Variants in ATP13A1 observed in about 807,000 individuals in gnomAD.
ATP13A1 encodes endoplasmic reticulum transmembrane helix translocase.
In ATP13A1, 55 loss-of-function variants were observed where a neutral mutation model predicts 134.8. The observed-to-expected ratio is 0.41, with a 90% CI of 0.33 to 0.51. The LOEUF (loss-of-function observed/expected upper bound fraction) is 0.51, where lower values mean the gene tolerates loss of function less well. Ranked by LOEUF, ATP13A1 falls within the 20% of genes least tolerant of loss-of-function variation. The pLI, the probability that ATP13A1 is intolerant of heterozygous loss-of-function variation, is 0.29. For synonymous variants in ATP13A1, 775 were observed against 725.1 expected, an observed-to-expected ratio of 1.07 and a Z score of -1.10; for missense variants, 1,389 against 1,652.8, an observed-to-expected ratio of 0.84 and a Z score of 2.77.
In ATP13A1 at chr19:19,647,089, G is replaced by A. The variant is rs2061991236; in HGVS notation, c.3105+40C>T. 6.3e-7 allele frequency: 1 copy of A among 1,574,820 alleles called. No homozygotes were observed. Among genetic ancestry groups the A allele is most frequent in the African/African-American group, 1.4e-5 (1 of 73,730 alleles). On this transcript the variant is annotated intron_variant, in intron 22 of 25. Coordinates refer to ENST00000357324, the MANE Select transcript of ATP13A1 (RefSeq NM_020410.3). This position sits in a 1 kb window ranked among gnomAD's most constrained non-coding sequence, Gnocchi z 4.8. ...GCCTATATCAGCCTGGCCCTGGCAG[G>A]CCCATGCATCCCTGGCCTTCCAGCA...
Position 19,652,621 on chromosome 19 carries a change from G to A in ATP13A1, c.2200C>T (p.Arg734Trp), listed in dbSNP as rs774768500. 7 of 1,608,570 alleles carry A rather than the reference G, an allele frequency of 4.4e-6. No individual in the cohort carries two copies. The highest frequency in any genetic ancestry group is 1.7e-5 in the Admixed American group (1 of 59,296). The change falls in exon 16 of 26, where the codon CGG (arginine) becomes TGG (tryptophan). Residue 734 changes from arginine (R) to tryptophan (W), a missense_variant. Around this residue, in one of 4 missense-constraint regions of ATP13A1, gnomAD observed 747 missense variants for 956.1 expected, o/e 0.78. Coordinates refer to ENST00000357324, the MANE Select transcript of ATP13A1 (RefSeq NM_020410.3). ...CGGTGGGACGCATTCTGGATCTCCC[G>A]GATCACGGCCTTGGAGTCAGCCTTG... Reference protein sequence around the residue: ...PLKADSKAVIREIQNASHRVV... With the variant: ...PLKADSKAVIWEIQNASHRVV...
At chr19:19,660,145 CA>C (rs540772825) in intron 1 of ATP13A1, among the ~76,000 whole-genome samples, 158 bp from the exon 2 acceptor site, 28 of 152,326 alleles carry the variant, frequency 1.8e-4, no homozygotes, top group Admixed American at 5.9e-4. Flanking sequence ...GTCATCAGGA[CA>C]AACGAGACCA....
intron 22 of ATP13A1, 189 bp from the exon 23 acceptor site, chr19:19,646,536 C>A: frequency 4.3e-6 from 3 of 693,528 alleles, no homozygotes; most frequent in South Asian, 3.8e-5. Context: ...GAGCCCAGGG[C>A]TGCCTCCCTG....
chr19:19,662,155 A>C, intron 1 of ATP13A1: 7 of 1,553,560 alleles, frequency 4.5e-6, no homozygotes, highest in Non-Finnish European at 6.1e-6. Flanking sequence ...GCTTAGCTGC[A>C]GGTCAAAAGG....
rs748943983 is a variant in ATP13A1, at chr19:19,656,042, T to C, written c.1213+12A>G. The C allele has an allele frequency of 6.2e-7, 1 of 1,613,086 alleles. No individual in the cohort carries two copies. The highest frequency in any genetic ancestry group is 8.5e-7 in the Non-Finnish European group (1 of 1,179,520). ...AAGCCCAGATACCCCCAGACGCCCA[T>C]GAGGCACCTACGCTTCAGGCCCGTG... On this transcript the variant is annotated intron_variant, in intron 8 of 25. Transcript: ENST00000357324. This position sits in a 1 kb window ranked among gnomAD's most constrained non-coding sequence, Gnocchi z 4.6.
rs964376537 is a variant in ATP13A1, at chr19:19,663,332, G to A, written c.335C>T (p.Ala112Val). ...CCAATGCCCCGAGAGGACAGTGAGC[G>A]CGTGCGCGAGGCAGATGGTGGCAAG... is the stretch of plus-strand genomic sequence containing the variant. ...LVLATICLAH[A>V]LTVLSGHWSV... Residue 112 changes from alanine to valine, a missense_variant, in exon 1 of 26, where the codon GCG becomes GTG. By Grantham distance (64) the Ala-to-Val change is moderately conservative. Transcript: ENST00000357324. The A allele has an allele frequency of 6.3e-7, 1 of 1,592,192 alleles. No homozygotes were observed. Among genetic ancestry groups the A allele is most frequent in the Non-Finnish European group, 8.5e-7 (1 of 1,170,616 alleles).
rs1178731720 is a variant in ATP13A1, at chr19:19,656,543, T to C, written c.1083+117A>G. On this transcript the variant is annotated intron_variant, in intron 7 of 25. Transcript: ENST00000357324. The surrounding 1 kb of genome is among the most constrained non-coding windows in gnomAD (Gnocchi z 4.6). ...CTCCCCAGTCCACAGAGCTCATCTG[T>C]GCCCACACTGCCTCCTCCGCCTGTG... The C allele has an allele frequency of 1.8e-6, 2 of 1,129,682 alleles. No individual in the cohort carries two copies. Among genetic ancestry groups the C allele is most frequent in the Non-Finnish European group, 2.5e-6 (2 of 788,320 alleles). The allele number at this position is 1,129,682 out of a possible 1,614,324, so 70.0% of individuals were successfully genotyped here.
chr19:19,663,644 CCCACCGCCG>C lies in ATP13A1; in HGVS notation c.14_22del (p.Ala5_Val7del). Reference sequence around the variant, plus strand: ...CCGGGCCCCGCAGGGCACCGCGTTGCCCACCGCCGCCGCTGCCGCCATCTTTCCTAGCGC... The same window carrying C: ...CCGGGCCCCGCAGGGCACCGCGTTGCCCGCTGCCGCCATCTTTCCTAGCGC... On this transcript the variant is annotated inframe_deletion, in exon 1 of 26. Transcript: ENST00000357324. The C allele has an allele frequency of 1.5e-6, 2 of 1,298,636 alleles. No individual in the cohort carries two copies. Among genetic ancestry groups the C allele is most frequent in the South Asian group, 2.3e-5 (1 of 43,364 alleles). 80.4% of individuals were successfully genotyped at this position (1,298,636 alleles called of 1,614,324 possible).
chr19:19,655,933 G>C lies in ATP13A1; in HGVS notation c.1214C>G (p.Pro405Arg). ...GTAGGCCACGCACCCGCTGTCAACC[G>C]CTGGGGAGAGAAGCAGAGTCACCGT... is the stretch of plus-strand genomic sequence containing the variant. The part of the protein sequence containing the change: ...PPQKATTGLK[P>R]VDSGCVAYVL... Residue 405 changes from proline to arginine, a missense_variant and splice_region_variant, in exon 9 of 26, where the codon CCG becomes CGG. Pro to Arg is a moderately radical substitution (Grantham distance 103). Coordinates refer to ENST00000357324, the MANE Select transcript of ATP13A1 (RefSeq NM_020410.3). This position sits in a 1 kb window ranked among gnomAD's most constrained non-coding sequence, Gnocchi z 5.7. 1.2e-6 allele frequency: 2 copies of C among 1,602,426 alleles called. No individual in the cohort carries two copies. Among genetic ancestry groups the C allele is most frequent in the Non-Finnish European group, 1.7e-6 (2 of 1,178,052 alleles).
chr19:19,649,640 C>T lies in ATP13A1; in HGVS notation c.2559G>A (p.Lys853=), dbSNP rs2062011123. The change falls in exon 19 of 26, where the codon AAG becomes AAA. Residue 853 remains lysine, a synonymous_variant. Coordinates refer to ENST00000357324, the MANE Select transcript of ATP13A1 (RefSeq NM_020410.3). ...ACATGAGGGTCACGTAGCCCAGCTC[C>T]TTCAGGCTGGTGATGACAAACTCCT... is the stretch of plus-strand genomic sequence containing the variant. ...KQKEFVITSL[K]ELGYVTLMCG... is the part of the protein sequence containing the mutation. 2 of 1,613,994 alleles carry T rather than the reference C, an allele frequency of 1.2e-6. No homozygotes were observed. Among genetic ancestry groups the T allele is most frequent in the South Asian group, 1.1e-5 (1 of 91,084 alleles).
At position 19,656,660 on chromosome 19, in the gene ATP13A1, C is replaced by G; in HGVS notation, c.1083G>C (p.Lys361Asn). 6.2e-7 allele frequency: 1 copy of G among 1,613,062 alleles called. No individual in the cohort carries two copies. Among genetic ancestry groups the G allele is most frequent in the Non-Finnish European group, 8.5e-7 (1 of 1,179,494 alleles). The change falls in exon 7 of 26, where the codon AAG (lysine) becomes AAC (asparagine). Residue 361 changes from lysine to asparagine, a missense_variant and splice_region_variant. By Grantham distance (94) the Lys-to-Asn change is moderately conservative (BLOSUM62 0). Around this residue, in one of 4 missense-constraint regions of ATP13A1, gnomAD observed 747 missense variants for 956.1 expected, o/e 0.78. Coordinates refer to ENST00000357324, the MANE Select transcript of ATP13A1 (RefSeq NM_020410.3). This position sits in a 1 kb window ranked among gnomAD's most constrained non-coding sequence, Gnocchi z 4.6. ...MLTGESVPQM[K>N]EPIEDLSPDR... ...AGGATCCCCATCCTCCACCAAGTAC[C>G]TTCATCTGTGGCACGGACTCCCCCG... is the stretch of plus-strand genomic sequence containing the variant.
Position 19,655,181 on chromosome 19 carries a change from G to A in ATP13A1, c.1593C>T (p.Cys531=), listed in dbSNP as rs145435578. ...IPFAGKVEVC[C]FDKTGTLTSD... The stretch of plus-strand genomic sequence containing the variant: ...TGGTCAACGTCCCCGTCTTGTCAAA[G>A]CAGCACACCTCGACCTTGCCAGCAA... The change falls in exon 12 of 26, where the codon TGC becomes TGT. Residue 531 remains cysteine (C), a synonymous_variant. Transcript: ENST00000357324. The surrounding 1 kb of genome is among the most constrained non-coding windows in gnomAD (Gnocchi z 5.7). The A allele has an allele frequency of 2.3e-3, 3,701 of 1,614,014 alleles. 6 individuals are homozygous for A. The highest frequency in any genetic ancestry group is 2.9e-3 in the Non-Finnish European group (3,462 of 1,179,892).
intron 15 of ATP13A1, 79 bp from the exon 16 acceptor site, chr19:19,652,799 G>A (rs1431075045): frequency 1.1e-5 from 16 of 1,491,630 alleles, no homozygotes; most frequent in African/African-American, 8.3e-5. Flanking sequence ...CTGACCATGC[G>A]CTGGGAGCCA....
At chr19:19,663,222 C>T (rs1319229138) in intron 1 of ATP13A1, 49 bp downstream of exon 1, 3 of 1,554,092 alleles carry the variant, frequency 1.9e-6, no homozygotes. Context: ...CTGGGACCCA[C>T]GGCGAGGCTC....
At chr19:19,660,061 T>G in intron 1 of ATP13A1, 74 bp from the exon 2 acceptor site, 3 of 1,311,004 alleles carry the variant, frequency 2.3e-6, no homozygotes, top group Non-Finnish European at 3.1e-6. Context: ...CGGGAGGTTT[T>G]GGGTGCAGCA....
Position 19,649,632 on chromosome 19 carries a change from C to T in ATP13A1, c.2567G>A (p.Gly856Asp), listed in dbSNP as rs1196756332. 1 of 1,613,954 alleles carries T rather than the reference C, an allele frequency of 6.2e-7. No individual in the cohort carries two copies. Among genetic ancestry groups the T allele is most frequent in the South Asian group, 1.1e-5 (1 of 91,082 alleles). ...ATCCCCACACATGAGGGTCACGTAG[C>T]CCAGCTCCTTCAGGCTGGTGATGAC... The part of the protein sequence containing the change: ...EFVITSLKEL[G>D]YVTLMCGDGT... The change falls in exon 19 of 26, where the codon GGC becomes GAC. Residue 856 changes from glycine to aspartate, a missense_variant. Around this residue, in one of 4 missense-constraint regions of ATP13A1, gnomAD observed 747 missense variants for 956.1 expected, o/e 0.78. Coordinates refer to ENST00000357324, the MANE Select transcript of ATP13A1 (RefSeq NM_020410.3).
At position 19,645,733 on chromosome 19, in the gene ATP13A1, C is replaced by T. The variant is rs779532332; in HGVS notation, c.3418G>A (p.Val1140Ile). Residue 1140 changes from valine to isoleucine, a missense_variant, in exon 25 of 26, where the codon GTT (valine) becomes ATT (isoleucine). Val to Ile is a conservative substitution (Grantham distance 29). Coordinates refer to ENST00000357324, the MANE Select transcript of ATP13A1 (RefSeq NM_020410.3). The surrounding 1 kb of genome is among the most constrained non-coding windows in gnomAD (Gnocchi z 4.1). ...AGGCCAATGATGGCCAGGAGTGAAA[C>T]TGCCAGACTCCACACCAGGGGCTTG... ...ENKPLVWSLAVSLLAIIGLLL... is the reference protein window; with the variant it reads ...ENKPLVWSLAISLLAIIGLLL... The T allele has an allele frequency of 6.2e-7, 1 of 1,600,540 alleles. No individual in the cohort carries two copies. Among genetic ancestry groups the T allele is most frequent in the Non-Finnish European group, 8.5e-7 (1 of 1,173,986 alleles).
intron 19 of ATP13A1, among the ~76,000 whole-genome samples, chr19:19,648,035 T>C (rs990536282): frequency 6.6e-6 from 1 of 152,144 alleles, no homozygotes; most frequent in Non-Finnish European, 1.5e-5. Flanking sequence ...TAAACTGATT[T>C]TGGCCGAGCG....
Position 19,659,642 on chromosome 19 carries a change from G to A in ATP13A1, c.636C>T (p.Asp212=), listed in dbSNP as rs143915094. ...TCTTCTCAGCTGCTCGGATCTCTGA[G>A]TCTTCCTGGAAGCCTCTGTTGCTCT... ...YYQSNRGFQE[D]SEIRAAEKKF... is the part of the protein sequence containing the mutation. Residue 212 remains aspartate (D), a synonymous_variant, in exon 3 of 26, where the codon GAC becomes GAT. Coordinates refer to ENST00000357324, the MANE Select transcript of ATP13A1 (RefSeq NM_020410.3). The A allele has an allele frequency of 1.4e-4, 220 of 1,613,706 alleles. No homozygotes were observed. The African/African-American group carries it at 2.4e-3, about 18-fold the overall frequency.
Sources: gnomAD v4.1 joint callset for allele counts (sites outside exome capture counted in the v4.1 genomes callset) on GRCh38, gnomAD v4.1.1 for gene constraint, gnomAD v4.1.1 regional missense constraint, Gnocchi (gnomAD v3.1) non-coding constraint, MANE v1.5 for transcripts, NCBI Gene and HGNC (gene_info 2026-07-23, HGNC 2026-07-21) for gene names.